SFXN5: variants seen among roughly 807,000 people sequenced by gnomAD.
SFXN5 encodes sideroflexin-5.
A neutral mutation model predicts 50.2 loss-of-function variants in SFXN5; 43 were observed. That is an observed-to-expected ratio of 0.86 (90% confidence interval 0.67 to 1.11). The LOEUF is 1.11. Among genes scored for constraint, SFXN5 ranks in the 50% least tolerant of loss-of-function variants. SFXN5 has a pLI of 0.00. For missense variants in SFXN5, 463 were observed against 454.1 expected, an observed-to-expected ratio of 1.02 and a Z score of -0.18; for synonymous variants, 203 against 185.8, an observed-to-expected ratio of 1.09 and a Z score of -0.75.
At chr2:72,991,705 C>A (rs946414856) in intron 9 of SFXN5, among the ~76,000 whole-genome samples, 2 of 152,214 alleles carry the variant, frequency 1.3e-5, no homozygotes, top group Non-Finnish European at 2.9e-5. Context: ...TTTGGTAGAG[C>A]CCGTTAAAAT....
At chr2:72,976,616 G>A (rs1198420617) in intron 10 of SFXN5, among the ~76,000 whole-genome samples, 1 of 152,190 alleles carries the variant, frequency 6.6e-6, no homozygotes, top group African/African-American at 2.4e-5. Flanking sequence ...CCACGATGCT[G>A]TGTTTAACAA....
In SFXN5 at chr2:72,961,051, G is replaced by A. The variant is rs975048059; in HGVS notation, c.945+80C>T. On this transcript the variant is annotated intron_variant, in intron 13 of 13. Coordinates refer to ENST00000272433, the MANE Select transcript of SFXN5 (RefSeq NM_144579.3). This position sits in a 1 kb window ranked among gnomAD's most constrained non-coding sequence, Gnocchi z 4.4. ...GCGCCTAGCATGGCGCTAAGGAGTC[G>A]GCACGGTATGAGTATTTGTTCAGAA... 13 of 1,048,734 alleles carry A rather than the reference G, an allele frequency of 1.2e-5. No individual in the cohort carries two copies. Among genetic ancestry groups the A allele is most frequent in the East Asian group, 2.9e-5 (1 of 34,314 alleles). 65.0% of individuals were successfully genotyped at this position (1,048,734 alleles called of 1,614,324 possible). A position where few individuals can be genotyped will look rare whatever the true frequency, so the allele number is the denominator to read the frequency against.
At chr2:73,033,893 T>C (rs1678622654) in intron 3 of SFXN5, among the ~76,000 whole-genome samples, 1 of 152,160 alleles carries the variant, frequency 6.6e-6, no homozygotes, top group Non-Finnish European at 1.5e-5. Context: ...GCTAATGGCA[T>C]CTACTGGGTC....
chr2:73,025,657 T>C (rs1012506199), intron 3 of SFXN5, among the ~76,000 whole-genome samples: 1 of 151,998 alleles, frequency 6.6e-6, no homozygotes, highest in Admixed American at 6.6e-5. Flanking sequence ...GGTGAGCTGA[T>C]GAAGAGATGA....
At position 72,945,116 on chromosome 2, in the gene SFXN5, G is replaced by C; in HGVS notation, c.946-17C>G. 6.2e-7 allele frequency: 1 copy of C among 1,611,880 alleles called. No homozygotes were observed. On this transcript the variant is annotated splice_polypyrimidine_tract_variant and intron_variant, in intron 13 of 13. Coordinates refer to ENST00000272433, the MANE Select transcript of SFXN5 (RefSeq NM_144579.3). This position sits in a 1 kb window ranked among gnomAD's most constrained non-coding sequence, Gnocchi z 5.8. ...TGTTTCAATCTGTGGAGAGAGAACA[G>C]AGAGGAAAAGTGGGGGAGTGGGAAG...
At chr2:73,016,863 T>TGGGCAAC (rs1676229503) in intron 6 of SFXN5, among the ~76,000 whole-genome samples, 1 of 152,128 alleles carries the variant, frequency 6.6e-6, no homozygotes, top group Non-Finnish European at 1.5e-5. Flanking sequence ...AAATGGGCAT[T>TGGGCAAC]TTGTTGACAT....
chr2:73,012,234 G>C (rs894093127), intron 6 of SFXN5, among the ~76,000 whole-genome samples: 1 of 152,130 alleles, frequency 6.6e-6, no homozygotes, highest in Non-Finnish European at 1.5e-5. Context: ...GCAGAGATTC[G>C]GGGTTGAGGA....
At chr2:72,959,558 C>T (rs1673475257) in intron 13 of SFXN5, among the ~76,000 whole-genome samples, 1 of 152,144 alleles carries the variant, frequency 6.6e-6, no homozygotes, top group African/African-American at 2.4e-5. Context: ...CACAAGAACA[C>T]AGGAGCCATT....
chr2:73,019,600 T>TTG (rs1676599633), intron 6 of SFXN5: 1 of 152,170 alleles, frequency 6.6e-6, no homozygotes, highest in Admixed American at 6.5e-5. Context: ...AGCTAATTTT[T>TTG]TGTATTTTTA....
intron 3 of SFXN5, among the ~76,000 whole-genome samples, chr2:73,034,681 G>A (rs959582329): frequency 2.6e-5 from 4 of 152,078 alleles, no homozygotes; most frequent in Admixed American, 1.3e-4. Context: ...CCAGTAACCT[G>A]CTCCCCACAC....
intron 12 of SFXN5, among the ~76,000 whole-genome samples, chr2:72,965,029 T>C (rs1418045930): frequency 2.0e-5 from 3 of 152,178 alleles, no homozygotes; most frequent in Non-Finnish European, 2.9e-5. Context: ...TGCCCAAATG[T>C]TGCATTTCCC....
At chr2:72,974,262 A>T (rs940771328) in intron 10 of SFXN5, among the ~76,000 whole-genome samples, 7 of 152,010 alleles carry the variant, frequency 4.6e-5, no homozygotes, top group African/African-American at 1.7e-4. Context: ...CAGAAGAGAG[A>T]GTGTGGATCT....
chr2:73,047,281 C>T lies in SFXN5; in HGVS notation c.172-6350G>A, dbSNP rs371561079. On this transcript the variant is annotated intron_variant, in intron 2 of 13. Coordinates refer to ENST00000272433, the MANE Select transcript of SFXN5 (RefSeq NM_144579.3). ...ATATATATATATATATATATACACA[C>T]ATATATATATATATATAAAATATAT... Among the ~76,000 whole-genome samples the T allele has an allele frequency of 2.3e-3, 136 of 58,468 alleles. 3 individuals are homozygous for T. The highest frequency in any genetic ancestry group is 5.4e-3 in the East Asian group (11 of 2,040). 38.4% of individuals were successfully genotyped at this position (58,468 alleles called of 152,430 possible).
intron 2 of SFXN5, among the ~76,000 whole-genome samples, chr2:73,050,388 G>GCGTGCACACACA: frequency 2.1e-5 from 3 of 143,808 alleles, no homozygotes; most frequent in African/African-American, 8.3e-5. Context: ...CAGCCACAGC[G>GCGTGCACACACA]CACGCACACA....
chr2:73,022,305 T>A (rs1366602931), intron 5 of SFXN5, among the ~76,000 whole-genome samples: 1 of 152,196 alleles, frequency 6.6e-6, no homozygotes, highest in South Asian at 2.1e-4. Context: ...CCACCCCAAC[T>A]GCTCAGGCAG....
At chr2:72,962,955 C>G (rs1231605720) in intron 12 of SFXN5, among the ~76,000 whole-genome samples, 1 of 152,188 alleles carries the variant, frequency 6.6e-6, no homozygotes, top group Non-Finnish European at 1.5e-5. Context: ...TCCAGCACCC[C>G]CACCCTCTCT....
chr2:73,020,044 T>G, intron 6 of SFXN5, 195 bp downstream of exon 6: 1 of 580,014 alleles, frequency 1.7e-6, no homozygotes. Context: ...TCATCAGGCT[T>G]TTTATGAAAA....
At chr2:73,040,603 A>G (rs1679495082) in intron 3 of SFXN5, among the ~76,000 whole-genome samples, 1 of 152,228 alleles carries the variant, frequency 6.6e-6, no homozygotes, top group South Asian at 2.1e-4. Context: ...CTCGCAAGCC[A>G]GTGCGGGCCA....
rs1670298706 is a variant in SFXN5 at position 72,973,730 on chromosome 2, G to A, written c.626-2045C>T. ...GGCGCCCAGGGCTCAGGGCCCAGAAGGGTCCCCCAGGGTAGCCTTGGGAAG... is the reference window on the plus strand; with the variant it reads ...GGCGCCCAGGGCTCAGGGCCCAGAAAGGTCCCCCAGGGTAGCCTTGGGAAG... On this transcript the variant is annotated intron_variant, in intron 10 of 13. Transcript: ENST00000272433. This position sits in a 1 kb window ranked among gnomAD's most constrained non-coding sequence, Gnocchi z 5.5. Among the ~76,000 whole-genome samples the A allele has an allele frequency of 6.6e-6, 1 of 152,186 alleles. No individual in the cohort carries two copies. The highest frequency in any genetic ancestry group is 2.1e-4 in the South Asian group (1 of 4,832).
Sources: allele counts gnomAD v4.1 joint callset (sites outside exome capture counted in the v4.1 genomes callset), GRCh38; gene constraint gnomAD v4.1.1; non-coding constraint Gnocchi (gnomAD v3.1); transcripts MANE v1.5; gene names NCBI Gene and HGNC (gene_info 2026-07-23, HGNC 2026-07-21).